The following ALDH18A1 variants were observed in gnomAD, a reference collection of about 807,000 sequenced individuals.
The protein encoded by ALDH18A1 is delta-1-pyrroline-5-carboxylate synthase.
In ALDH18A1, 44 loss-of-function variants were observed where a neutral mutation model predicts 88.8. That is an observed-to-expected ratio of 0.50 (90% CI 0.39 to 0.64). The LOEUF is 0.64. Ranked by LOEUF, ALDH18A1 falls within the 30% of genes least tolerant of loss-of-function variation. ALDH18A1 has a pLI of 0.00. For missense variants in ALDH18A1, 782 were observed against 1,009.5 expected (o/e 0.77, Z 3.05); for synonymous variants, 331 against 372.1 (o/e 0.89, Z 1.27).
rs559735584 is a variant in ALDH18A1 at position 95,615,851 on chromosome 10, T to C, written c.1605+626A>G. On this transcript the variant is annotated intron_variant, in intron 13 of 17. Transcript: ENST00000371224. ...GTGACTCTTGGGGAATTACTTTACC[T>C]CTGAATCTGTTTTTTCCCAATGTAG... is the stretch of plus-strand genomic sequence containing the variant. Among the ~76,000 whole-genome samples the C allele has an allele frequency of 7.2e-5, 11 of 152,340 alleles. No homozygotes were observed. The South Asian group carries it at 1.9e-3, about 26-fold the overall frequency.
At position 95,653,379 on chromosome 10, in the gene ALDH18A1, C is replaced by G; in HGVS notation, c.-2G>C. On this transcript the variant is annotated 5_prime_UTR_variant, in exon 2 of 18. Coordinates refer to ENST00000371224, the MANE Select transcript of ALDH18A1 (RefSeq NM_002860.4). ...ACAGCGGTAAACTTGACTCAACATG[C>G]TGCGATGTGGTCACTAACCAAAGTA... The G allele has an allele frequency of 6.2e-7, 1 of 1,613,206 alleles. No homozygotes were observed. Among genetic ancestry groups the G allele is most frequent in the Non-Finnish European group, 8.5e-7 (1 of 1,179,914 alleles).
chr10:95,615,418 G>A (rs1391898339), intron 13 of ALDH18A1, among the ~76,000 whole-genome samples: 2 of 151,984 alleles, frequency 1.3e-5, no homozygotes, highest in African/African-American at 2.4e-5. Flanking sequence ...GCTACATATT[G>A]ACTGGGAAGG....
intron 3 of ALDH18A1, among the ~76,000 whole-genome samples, chr10:95,642,224 T>A (rs1489976451): frequency 1.3e-5 from 2 of 152,230 alleles, no homozygotes; most frequent in Non-Finnish European, 2.9e-5. Context: ...TGAAATTTTA[T>A]CAGCTCACGG....
intron 3 of ALDH18A1, 96 bp downstream of exon 3, chr10:95,642,893 CAAT>C: frequency 7.9e-7 from 1 of 1,258,928 alleles, no homozygotes. Context: ...ACTGAAATCA[CAAT>C]TATTTTTTTA....
intron 17 of ALDH18A1, among the ~76,000 whole-genome samples, chr10:95,608,651 G>A (rs1241641671): frequency 2.0e-5 from 3 of 152,072 alleles, no homozygotes; most frequent in Non-Finnish European, 4.4e-5. Context: ...ACAGGCTCAC[G>A]CCACCACACC....
intron 2 of ALDH18A1, among the ~76,000 whole-genome samples, chr10:95,651,385 G>A (rs1334183421): frequency 1.3e-5 from 2 of 152,156 alleles, no homozygotes; most frequent in Non-Finnish European, 2.9e-5. Context: ...AAATGGTACT[G>A]TCACTCTGCA....
chr10:95,617,781 T>C (rs1257534402), intron 12 of ALDH18A1, among the ~76,000 whole-genome samples: 2 of 152,152 alleles, frequency 1.3e-5, no homozygotes, highest in Non-Finnish European at 2.9e-5. Flanking sequence ...TTGTGAGGTA[T>C]CAGCTGGTAT....
At chr10:95,653,506 T>A in intron 1 of ALDH18A1, 101 bp from the exon 2 acceptor site, 1 of 989,846 alleles carries the variant, frequency 1.0e-6, no homozygotes, top group Non-Finnish European at 1.6e-6. Context: ...AATCTGACTC[T>A]CCTGCTCCAA....
At chr10:95,610,836 T>A (rs1185718934) in intron 16 of ALDH18A1, among the ~76,000 whole-genome samples, 1 of 152,166 alleles carries the variant, frequency 6.6e-6, no homozygotes, top group East Asian at 1.9e-4. Flanking sequence ...CCTACTGGCA[T>A]CCTCCACCAT....
intron 17 of ALDH18A1, among the ~76,000 whole-genome samples, chr10:95,609,814 C>A (rs2097829979): frequency 7.5e-6 from 1 of 134,088 alleles, no homozygotes; most frequent in Non-Finnish European, 1.5e-5. Context: ...GTCCTCCAGG[C>A]TGGAGTGCTG....
At chr10:95,637,504 T>TGGAG in intron 3 of ALDH18A1, 68 bp from the exon 4 acceptor site, 2 of 1,592,950 alleles carry the variant, frequency 1.3e-6, no homozygotes, top group Non-Finnish European at 1.7e-6. Context: ...TCACAAGGGA[T>TGGAG]GGAGGTAGGG....
chr10:95,621,270 G>T lies in ALDH18A1; in HGVS notation c.1247-19C>A. On this transcript the variant is annotated intron_variant, in intron 11 of 17. Transcript: ENST00000371224. Reference sequence around the variant, plus strand: ...AGTCTCCCTGAAAAGCCATTAAGAGGATATGATAAAGTAGCAGACCTGGCA... The same window carrying T: ...AGTCTCCCTGAAAAGCCATTAAGAGTATATGATAAAGTAGCAGACCTGGCA... 1 of 1,601,304 alleles carries T rather than the reference G, an allele frequency of 6.2e-7. No individual in the cohort carries two copies. Among genetic ancestry groups the T allele is most frequent in the East Asian group, 2.2e-5 (1 of 44,504 alleles).
chr10:95,649,641 C>A (rs1276755559), intron 2 of ALDH18A1, among the ~76,000 whole-genome samples: 2 of 151,998 alleles, frequency 1.3e-5, no homozygotes, highest in African/African-American at 4.8e-5. Context: ...AGGCGTGAGC[C>A]ATCAGGCCCA....
At chr10:95,655,896 C>A (rs1025855108) in intron 1 of ALDH18A1, among the ~76,000 whole-genome samples, 1 of 152,188 alleles carries the variant, frequency 6.6e-6, no homozygotes, top group African/African-American at 2.4e-5. Flanking sequence ...AGTCCCAGCA[C>A]AGTTCACCCA....
At position 95,637,085 on chromosome 10, in the gene ALDH18A1, C is replaced by A. The variant is rs992168854; in HGVS notation, c.558+8G>T. 6.2e-7 allele frequency: 1 copy of A among 1,613,204 alleles called. No individual in the cohort carries two copies. Among genetic ancestry groups the A allele is most frequent in the Non-Finnish European group, 8.5e-7 (1 of 1,179,364 alleles). ...GTCCCACACCCATTTCAAAGCCCAG[C>A]CTCTCACCTGGGCAGCACAGATGCT... On this transcript the variant is annotated splice_region_variant and intron_variant, in intron 5 of 17. Coordinates refer to ENST00000371224, the MANE Select transcript of ALDH18A1 (RefSeq NM_002860.4).
intron 11 of ALDH18A1, 59 bp downstream of exon 11, chr10:95,625,303 A>G: frequency 6.8e-7 from 1 of 1,467,202 alleles, no homozygotes. Flanking sequence ...TAGTAAAACT[A>G]AAAACCAAAA....
chr10:95,625,501 G>A (rs1209970139), intron 10 of ALDH18A1, 46 bp from the exon 11 acceptor site: 1 of 1,519,454 alleles, frequency 6.6e-7, no homozygotes. Context: ...GTTAATCCAA[G>A]AAGAATGCAC....
chr10:95,653,511 C>T, intron 1 of ALDH18A1, 106 bp from the exon 2 acceptor site: 1 of 884,248 alleles, frequency 1.1e-6, no homozygotes, highest in Non-Finnish European at 1.8e-6. Flanking sequence ...GACTCTCCTG[C>T]TCCAAACTCC....
At chr10:95,611,801 C>T (rs940709567) in intron 15 of ALDH18A1, among the ~76,000 whole-genome samples, 6 of 151,818 alleles carry the variant, frequency 4.0e-5, no homozygotes, top group Admixed American at 6.6e-5. Flanking sequence ...GGTGAAACCC[C>T]GTCTTTACTA....
Sources: gnomAD v4.1 joint callset for allele counts (sites outside exome capture counted in the v4.1 genomes callset) on GRCh38, gnomAD v4.1.1 for gene constraint, MANE v1.5 for transcripts, NCBI Gene and HGNC (gene_info 2026-07-23, HGNC 2026-07-21) for gene names.